The following CACNA2D3 variants were observed in gnomAD, a reference collection of about 807,000 sequenced individuals.
The protein encoded by CACNA2D3 is voltage-dependent calcium channel subunit alpha-2/delta-3.
Under a neutral mutation model 160.6 loss-of-function variants are expected in CACNA2D3, and 60 were observed. The ratio of observed to expected loss-of-function variants is 0.37; its 90% CI spans 0.30 to 0.46. CACNA2D3 has a LOEUF of 0.46. Among genes scored for constraint, CACNA2D3 ranks in the 20% least tolerant of loss-of-function variants. The pLI is 1.00. For missense variants in CACNA2D3, 1,205 were observed against 1,365.0 expected, an observed-to-expected ratio of 0.88 and a Z score of 1.85; for synonymous variants, 558 against 492.9, an observed-to-expected ratio of 1.13 and a Z score of -1.75.
intron 4 of CACNA2D3, among the ~76,000 whole-genome samples, chr3:54,448,721 G>A (rs903304380): frequency 6.6e-5 from 10 of 152,216 alleles, no homozygotes; most frequent in African/African-American, 2.4e-4. Flanking sequence ...CCTCTATTGT[G>A]TTTGTGAACC....
chr3:55,060,542 A>C (rs551987189), intron 35 of CACNA2D3, among the ~76,000 whole-genome samples: 1 of 152,322 alleles, frequency 6.6e-6, no homozygotes, highest in Admixed American at 6.5e-5. Flanking sequence ...AAATGGAGAA[A>C]ATGATATTTC....
At chr3:54,314,717 T>C (rs950777046) in intron 2 of CACNA2D3, among the ~76,000 whole-genome samples, 4 of 152,236 alleles carry the variant, frequency 2.6e-5, no homozygotes, top group Admixed American at 2.0e-4. Context: ...TTTTGAGAAT[T>C]TAGACAGCAA....
intron 2 of CACNA2D3, among the ~76,000 whole-genome samples, chr3:54,191,269 G>A (rs1032890091): frequency 2.0e-5 from 3 of 151,984 alleles, no homozygotes; most frequent in Non-Finnish European, 2.9e-5. Flanking sequence ...CAGTGTTCTG[G>A]GACAAACATG....
At chr3:54,543,111 A>G (rs1702007119) in intron 5 of CACNA2D3, among the ~76,000 whole-genome samples, 1 of 152,100 alleles carries the variant, frequency 6.6e-6, no homozygotes, top group Non-Finnish European at 1.5e-5. Context: ...CCCTTCAAAT[A>G]CTCTAGGTAC....
chr3:54,417,150 C>CTAA (rs1213040478), intron 4 of CACNA2D3, among the ~76,000 whole-genome samples: 1 of 152,172 alleles, frequency 6.6e-6, no homozygotes, highest in African/African-American at 2.4e-5. Context: ...AAGTATACTT[C>CTAA]TAACGTTATC....
chr3:54,859,972 G>GCGCGCACACACACACACACACACACACA (rs535185040), intron 17 of CACNA2D3, among the ~76,000 whole-genome samples: 1 of 133,788 alleles, frequency 7.5e-6, no homozygotes, highest in Non-Finnish European at 1.6e-5. Context: ...GAAAGTAGAT[G>GCGCGCACACACACACACACACACACACA]CACACACACA....
chr3:54,943,427 C>A (rs568808706), intron 27 of CACNA2D3, among the ~76,000 whole-genome samples: 3 of 152,052 alleles, frequency 2.0e-5, no homozygotes, highest in Non-Finnish European at 4.4e-5. Flanking sequence ...CTTTTTACAC[C>A]GGCTCATCCT....
At chr3:54,785,214 A>G (rs1702613457) in intron 13 of CACNA2D3, among the ~76,000 whole-genome samples, 1 of 152,238 alleles carries the variant, frequency 6.6e-6, no homozygotes, top group African/African-American at 2.4e-5. Flanking sequence ...CAAATGTTCA[A>G]TAGGTTATAA....
chr3:54,540,429 G>A (rs1701953877), intron 5 of CACNA2D3, among the ~76,000 whole-genome samples: 1 of 152,074 alleles, frequency 6.6e-6, no homozygotes, highest in South Asian at 2.1e-4. Context: ...GATACCATGG[G>A]CATTTTGAAT....
chr3:54,661,862 G>C (rs990240996), intron 11 of CACNA2D3, among the ~76,000 whole-genome samples: 7 of 149,292 alleles, frequency 4.7e-5, no homozygotes, highest in Non-Finnish European at 1.0e-4. Flanking sequence ...GTGTGTGTGT[G>C]TGTGTGTGTG....
intron 12 of CACNA2D3, among the ~76,000 whole-genome samples, chr3:54,755,142 A>G (rs1701947766): frequency 6.6e-6 from 1 of 152,172 alleles, no homozygotes; most frequent in Non-Finnish European, 1.5e-5. Flanking sequence ...AGGAGTATTT[A>G]TATCTTTTCC....
At chr3:54,891,180 CGTGTGTGTGTGTGTGTGTGTGTGT>C (rs3836392) in intron 24 of CACNA2D3, among the ~76,000 whole-genome samples, 151 bp from the exon 25 acceptor site, 9 of 141,902 alleles carry the variant, frequency 6.3e-5, no homozygotes, top group African/African-American at 2.1e-4. Flanking sequence ...AATCTGTGCT[CGTGTGTGTGTGTGTGTGTGTGTGT>C]GTGTGTGTGT....
intron 2 of CACNA2D3, among the ~76,000 whole-genome samples, chr3:54,250,249 A>G (rs1702161967): frequency 6.6e-6 from 1 of 152,298 alleles, no homozygotes; most frequent in African/African-American, 2.4e-5. Flanking sequence ...TAAATCTGGC[A>G]ATGTATTATC....
Position 55,053,611 on chromosome 3 carries a change from T to C in CACNA2D3, c.2988-19834T>C, listed in dbSNP as rs542371006. Among the ~76,000 whole-genome samples, 108 of 152,164 alleles carry C rather than the reference T, an allele frequency of 7.1e-4. 1 individual carries two copies. The highest frequency in any genetic ancestry group is 2.5e-3 in the African/African-American group (102 of 41,584). On this transcript the variant is annotated intron_variant, in intron 35 of 37. Transcript: ENST00000474759. ...GCTTTTTGCTACCAAAAAATCCAAG[T>C]TGCTTAGCTATATTGAATTTTATAT...
intron 4 of CACNA2D3, among the ~76,000 whole-genome samples, chr3:54,441,872 A>G (rs904703760): frequency 6.6e-6 from 1 of 152,202 alleles, no homozygotes; most frequent in African/African-American, 2.4e-5. Flanking sequence ...TGACACAGAA[A>G]CTGTCATATT....
chr3:54,786,539 A>G (rs1702645480), intron 13 of CACNA2D3, among the ~76,000 whole-genome samples: 1 of 152,202 alleles, frequency 6.6e-6, no homozygotes, highest in Non-Finnish European at 1.5e-5. Context: ...CTTTGTAAGC[A>G]TCCCAGGACT....
intron 17 of CACNA2D3, among the ~76,000 whole-genome samples, chr3:54,846,783 G>A (rs1293733714): frequency 2.0e-5 from 3 of 151,856 alleles, no homozygotes; most frequent in East Asian, 1.9e-4. Flanking sequence ...CTATCATAAC[G>A]GGTCCCTTGA....
At chr3:55,037,081 C>T (rs1288092278) in intron 35 of CACNA2D3, among the ~76,000 whole-genome samples, 1 of 152,154 alleles carries the variant, frequency 6.6e-6, no homozygotes, top group Non-Finnish European at 1.5e-5. Flanking sequence ...CACAATAGGA[C>T]ATGACAGTAA....
chr3:54,144,837 G>C (rs1699996626), intron 2 of CACNA2D3, among the ~76,000 whole-genome samples: 1 of 152,206 alleles, frequency 6.6e-6, no homozygotes, highest in South Asian at 2.1e-4. Flanking sequence ...GCTCAGTAAT[G>C]CCAAGTGTTT....
Sources: allele counts gnomAD v4.1 joint callset (sites outside exome capture counted in the v4.1 genomes callset), GRCh38; gene constraint gnomAD v4.1.1; transcripts MANE v1.5; gene names NCBI Gene and HGNC (gene_info 2026-07-23, HGNC 2026-07-21).